C1QTNF3: variants seen among roughly 807,000 people sequenced by gnomAD.
C1QTNF3 encodes the protein C1q and TNF related 3.
In C1QTNF3, 26 loss-of-function variants were observed where a neutral mutation model predicts 32.6. That is an observed-to-expected ratio of 0.80 (90% CI 0.58 to 1.11). The LOEUF (loss-of-function observed/expected upper bound fraction) is 1.11, where lower values mean the gene tolerates loss of function less well. Among genes scored for constraint, C1QTNF3 ranks in the 50% least tolerant of loss-of-function variants. C1QTNF3 has a pLI of 0.00. For synonymous variants in C1QTNF3, 155 were observed against 146.0 expected, an observed-to-expected ratio of 1.06 and a Z score of -0.44; for missense variants, 362 against 398.2, an observed-to-expected ratio of 0.91 and a Z score of 0.77.
At chr5:34,099,035 A>G in the C1QTNF3 span, among the ~76,000 whole-genome samples, 2 of 152,254 alleles carry the variant, frequency 1.3e-5, no homozygotes, top group Non-Finnish European at 2.9e-5. Context: ...CAGAAAATTA[A>G]GAAATCCTGT....
chr5:34,091,712 T>C, the C1QTNF3 span, among the ~76,000 whole-genome samples: 1 of 152,206 alleles, frequency 6.6e-6, no homozygotes, highest in Non-Finnish European at 1.5e-5. Flanking sequence ...GTAAGCCTTA[T>C]AATATTTTCT....
At chr5:34,140,496 G>T in the C1QTNF3 span, among the ~76,000 whole-genome samples, 1 of 152,188 alleles carries the variant, frequency 6.6e-6, no homozygotes, top group Non-Finnish European at 1.5e-5. Flanking sequence ...ACTTGTTAAA[G>T]ATGATAAATT....
the C1QTNF3 span, among the ~76,000 whole-genome samples, chr5:34,222,126 A>C: frequency 6.6e-6 from 1 of 152,048 alleles, no homozygotes; most frequent in Non-Finnish European, 1.5e-5. Context: ...TTATCCAAAT[A>C]AGTAATGTTA....
Position 34,018,297 on chromosome 5 carries a change from T to C in C1QTNF3, c.*2286A>G, listed in dbSNP as rs1011428883. 4.6e-5 allele frequency among the ~76,000 whole-genome samples: 7 copies of C among 152,126 alleles called. No individual in the cohort carries two copies. Among genetic ancestry groups the C allele is most frequent in the African/African-American group, 1.7e-4 (7 of 41,442 alleles). On this transcript the variant is annotated 3_prime_UTR_variant, in exon 6 of 6. Coordinates refer to ENST00000382065, the MANE Select transcript of C1QTNF3 (RefSeq NM_181435.6). ...ACTTCAAACATACCAAAGCAAGAAA[T>C]TGTCTCTGGCCATCAGATATTATCT...
intron 4 of C1QTNF3, chr5:34,024,317 C>T (rs910757311): frequency 3.7e-6 from 1 of 271,772 alleles, no homozygotes; most frequent in African/African-American, 2.1e-5. Flanking sequence ...AGGCGTTGTT[C>T]CTGGGCATAG....
the C1QTNF3 span, among the ~76,000 whole-genome samples, chr5:34,132,594 T>C: frequency 6.6e-6 from 1 of 152,030 alleles, no homozygotes; most frequent in Admixed American, 6.6e-5. Flanking sequence ...TGTATACTTA[T>C]ACCAAAATAT....
the C1QTNF3 span, among the ~76,000 whole-genome samples, chr5:34,099,942 C>T: frequency 2.1e-3 from 316 of 150,480 alleles, no homozygotes; most frequent in African/African-American, 7.3e-3. Flanking sequence ...ACTAAAAGCA[C>T]AGAAATTGAG....
chr5:34,135,213 T>A, the C1QTNF3 span, among the ~76,000 whole-genome samples: 1 of 152,164 alleles, frequency 6.6e-6, no homozygotes, highest in Non-Finnish European at 1.5e-5. Context: ...ATGTGATGGA[T>A]TATGTTTATT....
chr5:34,058,347 G>A, the C1QTNF3 span, among the ~76,000 whole-genome samples: 1 of 152,176 alleles, frequency 6.6e-6, no homozygotes, highest in African/African-American at 2.4e-5. Flanking sequence ...AAGAGTGGAA[G>A]AGCAGAGCAA....
chr5:34,168,065 CTAAA>C, the C1QTNF3 span: 24 of 151,502 alleles, frequency 1.6e-4, no homozygotes, highest in African/African-American at 5.8e-4. Context: ...TAATGGCATA[CTAAA>C]TAGAGAAGTA....
chr5:34,075,836 C>G, the C1QTNF3 span, among the ~76,000 whole-genome samples: 1 of 150,746 alleles, frequency 6.6e-6, no homozygotes, highest in Non-Finnish European at 1.5e-5. Flanking sequence ...ATGGAAGGAC[C>G]CCCAGGTGTC....
chr5:34,024,705 C>T (rs1201486159), intron 4 of C1QTNF3, among the ~76,000 whole-genome samples: 1 of 152,106 alleles, frequency 6.6e-6, no homozygotes, highest in Admixed American at 6.5e-5. Flanking sequence ...GCCTAGGGCT[C>T]CTAATTGAAA....
At chr5:34,073,877 C>T in the C1QTNF3 span, among the ~76,000 whole-genome samples, 2 of 152,034 alleles carry the variant, frequency 1.3e-5, no homozygotes, top group African/African-American at 2.4e-5. Context: ...TATGGATTTT[C>T]CTTGAAACAA....
chr5:34,198,259 T>TAAATAA, the C1QTNF3 span, among the ~76,000 whole-genome samples: 5 of 130,802 alleles, frequency 3.8e-5, no homozygotes, highest in Admixed American at 1.4e-4. Context: ...AATAAATAAA[T>TAAATAA]AAATAAAAAT....
chr5:34,209,536 T>C, the C1QTNF3 span, among the ~76,000 whole-genome samples: 1 of 151,726 alleles, frequency 6.6e-6, no homozygotes, highest in Non-Finnish European at 1.5e-5. Context: ...AGAAATAATC[T>C]GAATATTATT....
At chr5:34,226,774 T>C in the C1QTNF3 span, among the ~76,000 whole-genome samples, 1 of 151,760 alleles carries the variant, frequency 6.6e-6, no homozygotes, top group Non-Finnish European at 1.5e-5. Flanking sequence ...GTATGTATTT[T>C]ACACTGTAGT....
the C1QTNF3 span, among the ~76,000 whole-genome samples, chr5:34,197,890 A>G: frequency 1.3e-5 from 2 of 152,046 alleles, no homozygotes; most frequent in African/African-American, 4.8e-5. Context: ...ACTGTCCTCT[A>G]GCTCACATGG....
chr5:34,225,708 G>T, the C1QTNF3 span, among the ~76,000 whole-genome samples: 1 of 151,328 alleles, frequency 6.6e-6, no homozygotes. Context: ...CTTGGTCTTG[G>T]GTCTTCCTTC....
the C1QTNF3 span, among the ~76,000 whole-genome samples, chr5:34,240,426 G>C: frequency 2.7e-5 from 4 of 150,488 alleles, no homozygotes; most frequent in South Asian, 8.5e-4. Flanking sequence ...AAATCAGAAT[G>C]ACAAAAACGA....
Sources: gnomAD v4.1 joint callset for allele counts (sites outside exome capture counted in the v4.1 genomes callset) on GRCh38, gnomAD v4.1.1 for gene constraint, MANE v1.5 for transcripts, NCBI Gene and HGNC (gene_info 2026-07-23, HGNC 2026-07-21) for gene names.